The following CPA6 variants were observed in gnomAD, a reference collection of about 807,000 sequenced individuals.
CPA6 encodes the protein carboxypeptidase B.
A neutral mutation model predicts 63.3 loss-of-function variants in CPA6; 58 were observed. The observed-to-expected ratio is 0.92, with a 90% CI of 0.74 to 1.14. CPA6 has a LOEUF of 1.14. CPA6 is among the 50% of genes most tolerant of loss of function. The pLI is 0.00. For missense variants in CPA6, 565 were observed against 526.6 expected, an observed-to-expected ratio of 1.07 and a Z score of -0.71; for synonymous variants, 185 against 179.0, an observed-to-expected ratio of 1.03 and a Z score of -0.27.
intron 1 of CPA6, among the ~76,000 whole-genome samples, chr8:67,684,348 T>C (rs1276059353): frequency 1.3e-5 from 2 of 152,176 alleles, no homozygotes; most frequent in African/African-American, 4.8e-5. Context: ...ATAGTCATTA[T>C]CTATCCTGTC....
chr8:67,729,449 G>A (rs1271059103), intron 1 of CPA6, among the ~76,000 whole-genome samples: 1 of 152,198 alleles, frequency 6.6e-6, no homozygotes, highest in Admixed American at 6.5e-5. Context: ...AGTGGCTGCA[G>A]GAGTAACAAC....
intron 8 of CPA6, among the ~76,000 whole-genome samples, chr8:67,465,405 C>A (rs1258751913): frequency 6.6e-6 from 1 of 152,056 alleles, no homozygotes; most frequent in East Asian, 1.9e-4. Context: ...TTGGTAGAGT[C>A]TTTAGAGTTT....
intron 2 of CPA6, among the ~76,000 whole-genome samples, chr8:67,521,860 T>G (rs1812264725): frequency 6.6e-6 from 1 of 152,228 alleles, no homozygotes. Flanking sequence ...TACGATCTGA[T>G]CTAGGTTCCC....
At position 67,681,284 on chromosome 8, in the gene CPA6, A is replaced by T. The variant is rs962447137; in HGVS notation, c.117-57033T>A. Among the ~76,000 whole-genome samples, 31 of 133,852 alleles carry T rather than the reference A, an allele frequency of 2.3e-4. No homozygotes were observed. In the East Asian group the frequency reaches 6.3e-3, roughly 27 times the overall value. The allele number at this position is 133,852 out of a possible 152,430, so 87.8% of individuals were successfully genotyped here. ...GACTGCAGTGGCGCAATCTCGGCTCACTGCAAGCTCCGCTTCCCGGGTTCA... is the reference window on the plus strand; with the variant it reads ...GACTGCAGTGGCGCAATCTCGGCTCTCTGCAAGCTCCGCTTCCCGGGTTCA... On this transcript the variant is annotated intron_variant, in intron 1 of 10. Coordinates refer to ENST00000297770, the MANE Select transcript of CPA6 (RefSeq NM_020361.5).
At chr8:67,744,621 A>G (rs2553665) in intron 1 of CPA6, among the ~76,000 whole-genome samples, 124,241 of 151,668 alleles carry the variant, frequency 0.82, 51,097 homozygotes, top group Admixed American at 0.86. Flanking sequence ...TATGTTTATC[A>G]TCTGACCCGG....
rs559423913 is a variant in CPA6, at chr8:67,517,566, C to G, written c.317+357G>C. On this transcript the variant is annotated intron_variant, in intron 3 of 10. Coordinates refer to ENST00000297770, the MANE Select transcript of CPA6 (RefSeq NM_020361.5). Reference sequence around the variant, plus strand: ...GCTTCTTCCTTTGCTTGTGTGGTCTCCTCTGCCTCTGCCTGGCTGGCATAG... The same window carrying G: ...GCTTCTTCCTTTGCTTGTGTGGTCTGCTCTGCCTCTGCCTGGCTGGCATAG... 7.7e-4 allele frequency among the ~76,000 whole-genome samples: 118 copies of G among 152,332 alleles called. 1 individual carries two copies. The highest frequency in any genetic ancestry group is 2.7e-3 in the African/African-American group (112 of 41,564).
intron 2 of CPA6, among the ~76,000 whole-genome samples, chr8:67,542,974 T>C (rs578042017): frequency 7.2e-4 from 109 of 152,336 alleles, no homozygotes; most frequent in African/African-American, 2.6e-3. Flanking sequence ...ATTAACCATA[T>C]CTATATTAAT....
At chr8:67,472,535 A>T (rs1195415576) in intron 8 of CPA6, among the ~76,000 whole-genome samples, 1 of 151,618 alleles carries the variant, frequency 6.6e-6, no homozygotes, top group Non-Finnish European at 1.5e-5. Flanking sequence ...AGCAATCCTA[A>T]CCACCTCAGC....
chr8:67,726,761 G>A (rs756123708), intron 1 of CPA6, among the ~76,000 whole-genome samples: 19 of 152,168 alleles, frequency 1.2e-4, no homozygotes, highest in East Asian at 3.8e-4. Flanking sequence ...GAAAGGCCTC[G>A]AGCACTGCTC....
At chr8:67,709,734 T>C (rs1817214497) in intron 1 of CPA6, among the ~76,000 whole-genome samples, 1 of 152,156 alleles carries the variant, frequency 6.6e-6, no homozygotes, top group Non-Finnish European at 1.5e-5. Flanking sequence ...AATCCATATG[T>C]GGAAGATATA....
chr8:67,666,399 T>C (rs375758165), intron 1 of CPA6, among the ~76,000 whole-genome samples: 3 of 151,910 alleles, frequency 2.0e-5, no homozygotes, highest in African/African-American at 7.2e-5. Flanking sequence ...GATCTCAGGA[T>C]CAAGGATTCA....
intron 8 of CPA6, among the ~76,000 whole-genome samples, chr8:67,459,271 G>T (rs900093058): frequency 1.3e-5 from 2 of 152,136 alleles, no homozygotes; most frequent in Non-Finnish European, 2.9e-5. Flanking sequence ...CTATTTGCCT[G>T]CTTTGGCCTC....
intron 8 of CPA6, among the ~76,000 whole-genome samples, chr8:67,462,119 TA>T (rs1188494341): frequency 2.6e-5 from 4 of 152,198 alleles, no homozygotes; most frequent in Non-Finnish European, 4.4e-5. Flanking sequence ...TCTAGCCATC[TA>T]TTTTTTTTTC....
At chr8:67,504,053 C>T (rs1170334388) in intron 6 of CPA6, among the ~76,000 whole-genome samples, 2 of 152,100 alleles carry the variant, frequency 1.3e-5, no homozygotes, top group African/African-American at 4.8e-5. Context: ...TATCATTATC[C>T]TCATTTTGCT....
rs530291913 is a variant in CPA6 at position 67,422,428 on chromosome 8, T to G, written c.*76A>C. 1.5e-5 allele frequency: 20 copies of G among 1,334,048 alleles called. No individual in the cohort carries two copies. The South Asian group carries it at 2.6e-4, about 17-fold the overall frequency. 82.6% of individuals were successfully genotyped at this position (1,334,048 alleles called of 1,614,324 possible). A position where few individuals can be genotyped will look rare whatever the true frequency, so the allele number is the denominator to read the frequency against. On this transcript the variant is annotated 3_prime_UTR_variant, in exon 11 of 11. Transcript: ENST00000297770. ...CACTCTAAGCAGCTGCCCTTCTCTTTGAAAACAATTTCTATCCAGGGCCAA... is the reference window on the plus strand; with the variant it reads ...CACTCTAAGCAGCTGCCCTTCTCTTGGAAAACAATTTCTATCCAGGGCCAA...
Position 67,509,629 on chromosome 8 carries a change from A to T in CPA6, c.433-11T>A. 1 of 1,413,124 alleles carries T rather than the reference A, an allele frequency of 7.1e-7. No individual in the cohort carries two copies. The highest frequency in any genetic ancestry group is 1.8e-4 in the Middle Eastern group (1 of 5,644). The allele number at this position is 1,413,124 out of a possible 1,614,324, so 87.5% of individuals were successfully genotyped here. A position where few individuals can be genotyped will look rare whatever the true frequency, so the allele number is the denominator to read the frequency against. ...CATCCAATTTTGAATCTAAGAGCAA[A>T]TAAATAAAAACTATGTTAGACTCTC... On this transcript the variant is annotated splice_polypyrimidine_tract_variant and intron_variant, in intron 4 of 10. Transcript: ENST00000297770.
rs769578636 is a variant in CPA6 at position 67,728,160 on chromosome 8, AAC to A, written c.116+17852_116+17853del. On this transcript the variant is annotated intron_variant, in intron 1 of 10. Transcript: ENST00000297770. Reference sequence around the variant, plus strand: ...AACAAAACAAAACAAAACAAAACAAAACAAACTATTATCTGTCCTTTGGGCCC... The same window carrying A: ...AACAAAACAAAACAAAACAAAACAAAAAACTATTATCTGTCCTTTGGGCCC... Among the ~76,000 whole-genome samples the A allele has an allele frequency of 7.2e-3, 1,095 of 151,842 alleles. 14 individuals carry two copies. The highest frequency in any genetic ancestry group is 0.024 in the African/African-American group (975 of 41,440).
intron 2 of CPA6, among the ~76,000 whole-genome samples, chr8:67,603,093 AT>A (rs1346244101): frequency 6.6e-6 from 1 of 152,156 alleles, no homozygotes; most frequent in African/African-American, 2.4e-5. Flanking sequence ...ATAAGTTCCT[AT>A]TTTTGAGGTT....
intron 2 of CPA6, among the ~76,000 whole-genome samples, chr8:67,573,891 CAAAAAAAAAA>C (rs34145304): frequency 9.0e-5 from 3 of 33,494 alleles, no homozygotes; most frequent in African/African-American, 2.3e-4. Context: ...GACTCCGTCT[CAAAAAAAAAA>C]AAAAAAAAAA....
Sources: gnomAD v4.1 joint callset for allele counts (sites outside exome capture counted in the v4.1 genomes callset) on GRCh38, gnomAD v4.1.1 for gene constraint, MANE v1.5 for transcripts, NCBI Gene and HGNC (gene_info 2026-07-23, HGNC 2026-07-21) for gene names.